The following MYO3A variants were observed in gnomAD, a reference collection of about 807,000 sequenced individuals.
MYO3A encodes myosin-IIIa.
MYO3A carries 180 observed loss-of-function variants against 192.7 expected under a neutral mutation model. The observed-to-expected ratio is 0.93, with a 90% CI of 0.83 to 1.06. MYO3A has a LOEUF of 1.06. Among genes scored for constraint, MYO3A ranks in the 50% least tolerant of loss-of-function variants. The pLI is 0.00. For synonymous variants in MYO3A, 628 were observed against 645.3 expected, an observed-to-expected ratio of 0.97 and a Z score of 0.41; for missense variants, 1,896 against 1,905.0, an observed-to-expected ratio of 1.00 and a Z score of 0.09.
intron 11 of MYO3A, among the ~76,000 whole-genome samples, chr10:26,068,290 T>C (rs111513490): frequency 4.3e-4 from 65 of 152,250 alleles, no homozygotes; most frequent in African/African-American, 1.3e-3. Flanking sequence ...ACTTATCAAC[T>C]ATGAAAATTA....
At chr10:26,022,494 T>G (rs1221715460) in intron 8 of MYO3A, 1 of 152,236 alleles carries the variant, frequency 6.6e-6, no homozygotes, top group Non-Finnish European at 1.5e-5. Flanking sequence ...AATTCATTTT[T>G]AATTTTGCCT....
chr10:26,190,418 T>G (rs1014647800), intron 31 of MYO3A, among the ~76,000 whole-genome samples: 5 of 152,088 alleles, frequency 3.3e-5, no homozygotes, highest in African/African-American at 1.2e-4. Context: ...TTCATTTGAG[T>G]CTGAGAGAGA....
intron 10 of MYO3A, among the ~76,000 whole-genome samples, chr10:26,065,603 A>AAAAC (rs1564513188): frequency 1.5e-5 from 1 of 65,054 alleles, no homozygotes; most frequent in African/African-American, 4.5e-5. Flanking sequence ...AAAAAAAAAA[A>AAAAC]AAAAAAAAAA....
intron 15 of MYO3A, among the ~76,000 whole-genome samples, chr10:26,092,703 C>G (rs551903911): frequency 3.3e-5 from 5 of 152,274 alleles, no homozygotes; most frequent in Non-Finnish European, 7.4e-5. Flanking sequence ...GGAACTCACT[C>G]TGAAGAAGTG....
chr10:26,208,770 A>G (rs748992663), intron 34 of MYO3A, among the ~76,000 whole-genome samples: 1 of 152,158 alleles, frequency 6.6e-6, no homozygotes, highest in African/African-American at 2.4e-5. Flanking sequence ...TTCCCTATTC[A>G]GAACAGACCA....
chr10:25,975,122 G>C (rs961966798), intron 4 of MYO3A, among the ~76,000 whole-genome samples: 2 of 152,220 alleles, frequency 1.3e-5, no homozygotes, highest in African/African-American at 2.4e-5. Flanking sequence ...TGCACGCACA[G>C]TAGGTTATCT....
chr10:26,165,930 G>C (rs1307022212), intron 26 of MYO3A, 137 bp from the exon 27 acceptor site: 2 of 789,830 alleles, frequency 2.5e-6, no homozygotes, highest in African/African-American at 1.7e-5. Context: ...GTTGTTCTGA[G>C]GATGCCTAAA....
intron 31 of MYO3A, among the ~76,000 whole-genome samples, chr10:26,179,011 C>T (rs1264109685): frequency 6.6e-6 from 1 of 150,578 alleles, no homozygotes; most frequent in Non-Finnish European, 1.5e-5. Flanking sequence ...CCATGTTAGC[C>T]AGGGTGGTCT....
intron 17 of MYO3A, 81 bp downstream of exon 17, chr10:26,096,763 A>C: frequency 1.1e-6 from 1 of 951,834 alleles, no homozygotes. Flanking sequence ...TTGAGTGATT[A>C]ATATATACCA....
intron 31 of MYO3A, among the ~76,000 whole-genome samples, chr10:26,180,465 T>C (rs1445136864): frequency 1.3e-5 from 2 of 152,178 alleles, no homozygotes; most frequent in African/African-American, 2.4e-5. Context: ...ATAAAGATAC[T>C]AGTAACACCA....
intron 34 of MYO3A, among the ~76,000 whole-genome samples, chr10:26,206,313 G>A (rs555580662): frequency 4.2e-4 from 63 of 151,788 alleles, no homozygotes; most frequent in African/African-American, 1.3e-3. Context: ...CATCCGCCTC[G>A]GCCTCCCACA....
At position 26,066,859 on chromosome 10, in the gene MYO3A, A is replaced by G. The variant is rs1834877352; in HGVS notation, c.954-116A>G. ...ATATTAGGCTATTTTCTGGTATCTTATCATTGAATTTAATAAACAGATTCC... is the reference window on the plus strand; with the variant it reads ...ATATTAGGCTATTTTCTGGTATCTTGTCATTGAATTTAATAAACAGATTCC... On this transcript the variant is annotated intron_variant, in intron 10 of 34. Transcript: ENST00000642920. 7 of 708,582 alleles carry G rather than the reference A, an allele frequency of 9.9e-6. No individual in the cohort carries two copies. The East Asian group carries it at 1.9e-4, about 19-fold the overall frequency. 43.9% of individuals were successfully genotyped at this position (708,582 alleles called of 1,614,324 possible).
chr10:26,197,314 T>G (rs1286410315), intron 32 of MYO3A, among the ~76,000 whole-genome samples: 1 of 152,166 alleles, frequency 6.6e-6, no homozygotes, highest in Non-Finnish European at 1.5e-5. Flanking sequence ...AGTCCTTTTT[T>G]TGAGGGGCCT....
At chr10:26,167,748 T>G (rs1306517712) in intron 27 of MYO3A, among the ~76,000 whole-genome samples, 1 of 152,208 alleles carries the variant, frequency 6.6e-6, no homozygotes, top group Non-Finnish European at 1.5e-5. Flanking sequence ...CTGTAGAAAT[T>G]AAAACTGAAT....
At chr10:26,039,207 A>ATTTTTTTTTTTTTTTTTTTTTT (rs34416918) in intron 10 of MYO3A, among the ~76,000 whole-genome samples, 2 of 106,856 alleles carry the variant, frequency 1.9e-5, no homozygotes, top group African/African-American at 3.9e-5. Context: ...GGCTCGGCTA[A>ATTTTTTTTTTTTTTTTTTTTTT]TTTTTTTTTT....
rs778490996 is a variant in MYO3A, at chr10:26,026,374, C to T, written c.798-3C>T. On this transcript the variant is annotated splice_region_variant and splice_polypyrimidine_tract_variant and intron_variant, in intron 9 of 34. Coordinates refer to ENST00000642920, the MANE Select transcript of MYO3A (RefSeq NM_017433.5). ...AATTGCATGTTCTTTTTTGCCAGTG[C>T]AGGTGCTTGACTAAAGATTATGAAA... is the stretch of plus-strand genomic sequence containing the variant. 6.2e-7 allele frequency: 1 copy of T among 1,613,890 alleles called. No homozygotes were observed. The highest frequency in any genetic ancestry group is 2.2e-5 in the East Asian group (1 of 44,858).
At chr10:26,124,618 G>T (rs1891382) in intron 18 of MYO3A, among the ~76,000 whole-genome samples, 111,319 of 152,110 alleles carry the variant, frequency 0.73, 41,254 homozygotes, top group African/African-American at 0.84. Flanking sequence ...AAAAGTAAAT[G>T]TAAAATGTTC....
At chr10:26,098,671 C>A (rs1564546666) in intron 17 of MYO3A, among the ~76,000 whole-genome samples, 2 of 152,186 alleles carry the variant, frequency 1.3e-5, no homozygotes, top group Non-Finnish European at 2.9e-5. Context: ...AACAGAGAAT[C>A]CTTTCCCAGT....
At chr10:26,078,164 A>G (rs1446611615) in intron 14 of MYO3A, among the ~76,000 whole-genome samples, 2 of 140,110 alleles carry the variant, frequency 1.4e-5, no homozygotes, top group South Asian at 2.1e-4. Flanking sequence ...TAAAATTACA[A>G]TTTCAATCTT....
Sources: gnomAD v4.1 joint callset for allele counts (sites outside exome capture counted in the v4.1 genomes callset) on GRCh38, gnomAD v4.1.1 for gene constraint, MANE v1.5 for transcripts, NCBI Gene and HGNC (gene_info 2026-07-23, HGNC 2026-07-21) for gene names.